TMEM63C: variants seen among roughly 807,000 people sequenced by gnomAD.
TMEM63C encodes the protein osmosensitive cation channel TMEM63C.
TMEM63C carries 32 observed loss-of-function variants against 99.2 expected under a neutral mutation model. The observed-to-expected ratio is 0.32, with a 90% confidence interval of 0.24 to 0.43. The LOEUF (loss-of-function observed/expected upper bound fraction) is 0.43, where lower values mean the gene tolerates loss of function less well. Ranked by LOEUF, TMEM63C falls within the 20% of genes least tolerant of loss-of-function variation. The probability of loss-of-function intolerance (pLI) is 1.00; values close to 1 mark genes in which losing one functional copy is unlikely to be tolerated. For missense variants in TMEM63C, 826 were observed against 1,053.0 expected, an observed-to-expected ratio of 0.78 and a Z score of 2.98; for synonymous variants, 376 against 397.9, an observed-to-expected ratio of 0.94 and a Z score of 0.66.
chr14:77,229,638 G>A (rs182765230), intron 6 of TMEM63C, among the ~76,000 whole-genome samples: 1 of 90,410 alleles, frequency 1.1e-5, no homozygotes, highest in African/African-American at 4.2e-5. Context: ...ATATAGTAGA[G>A]ATGGGGTTTC....
At chr14:77,226,078 T>C (rs191911335) in intron 6 of TMEM63C, among the ~76,000 whole-genome samples, 45 of 152,338 alleles carry the variant, frequency 3.0e-4, no homozygotes, top group African/African-American at 1.0e-3. Context: ...CGGAACTCTA[T>C]GTTCCCACTG....
intron 15 of TMEM63C, among the ~76,000 whole-genome samples, chr14:77,243,651 G>A (rs934836059): frequency 9.2e-5 from 14 of 152,114 alleles, no homozygotes; most frequent in African/African-American, 3.4e-4. Flanking sequence ...GCAGGTCAGA[G>A]GGATCCTAGC....
At chr14:77,252,322 A>G (rs545909036) in intron 22 of TMEM63C, among the ~76,000 whole-genome samples, 12 of 152,194 alleles carry the variant, frequency 7.9e-5, no homozygotes, top group African/African-American at 2.9e-4. Flanking sequence ...CTCTCCTTTA[A>G]GACCCCAGGC....
chr14:77,239,802 G>T, intron 12 of TMEM63C, 76 bp downstream of exon 12: 1 of 1,544,938 alleles, frequency 6.5e-7, no homozygotes. Flanking sequence ...GCCTTTGCCC[G>T]CACTGTTGGG....
At chr14:77,190,357 C>G (rs566933723) in intron 1 of TMEM63C, among the ~76,000 whole-genome samples, 1 of 152,116 alleles carries the variant, frequency 6.6e-6, no homozygotes, top group Non-Finnish European at 1.5e-5. Context: ...ACAGATAATG[C>G]CAATGTTATT....
intron 1 of TMEM63C, among the ~76,000 whole-genome samples, chr14:77,186,773 A>AGG (rs1436943601): frequency 6.2e-5 from 4 of 64,622 alleles, no homozygotes; most frequent in Admixed American, 2.7e-4. Context: ...TCAGAACCAA[A>AGG]GGGGTGTGTG....
rs761489071 is a variant in TMEM63C, at chr14:77,239,679, C to A, written c.883C>A (p.Pro295Thr). Reference sequence around the variant, plus strand: ...TGGGAAGGTGATGATCAGGATCCACCCCTGTGCCCGCCTGTGCTTCTGCAA... The same window carrying A: ...TGGGAAGGTGATGATCAGGATCCACACCTGTGCCCGCCTGTGCTTCTGCAA... The part of the protein sequence containing the change: ...KTGKVMIRIH[P>T]CARLCFCKCW... The change falls in exon 12 of 24, where the codon CCC becomes ACC. Residue 295 changes from proline to threonine, a missense_variant. By Grantham distance (38) the Pro-to-Thr change is conservative. Transcript: ENST00000298351. 1 of 1,613,030 alleles carries A rather than the reference C, an allele frequency of 6.2e-7. No individual in the cohort carries two copies. The highest frequency in any genetic ancestry group is 1.3e-5 in the African/African-American group (1 of 75,056).
At chr14:77,209,390 AC>A (rs1354404428) in intron 1 of TMEM63C, among the ~76,000 whole-genome samples, 1 of 152,088 alleles carries the variant, frequency 6.6e-6, no homozygotes, top group African/African-American at 2.4e-5. Context: ...TGTACAAACC[AC>A]CTACATTTTA....
rs776132328 is a variant in TMEM63C, at chr14:77,242,997, G to A, written c.1282G>A (p.Ala428Thr). The A allele has an allele frequency of 6.2e-7, 1 of 1,613,932 alleles. No individual in the cohort carries two copies. The highest frequency in any genetic ancestry group is 1.1e-5 in the South Asian group (1 of 91,076). ...FFLFFFLTTP[A>T]IIMNTIDMYN... ...CCTCTTCTTCTTTCTCACCACGCCTGCCATCATCATGAACACTATCGACAT... is the reference window on the plus strand; with the variant it reads ...CCTCTTCTTCTTTCTCACCACGCCTACCATCATCATGAACACTATCGACAT... The change falls in exon 15 of 24, where the codon GCC (alanine) becomes ACC (threonine). Residue 428 changes from alanine (A) to threonine (T), a missense_variant. By Grantham distance (58) the Ala-to-Thr change is moderately conservative. Transcript: ENST00000298351.
intron 4 of TMEM63C, among the ~76,000 whole-genome samples, 191 bp downstream of exon 4, chr14:77,219,768 T>C (rs541806639): frequency 1.3e-5 from 2 of 152,318 alleles, no homozygotes; most frequent in South Asian, 2.1e-4. Flanking sequence ...AGGCCGTGTT[T>C]TTCTCTGGTC....
chr14:77,246,127 C>A, intron 17 of TMEM63C, 101 bp downstream of exon 17: 2 of 952,228 alleles, frequency 2.1e-6, no homozygotes, highest in Admixed American at 1.7e-5. Flanking sequence ...TGCTGCAAAC[C>A]CACTCCTCAA....
At chr14:77,215,398 T>G (rs1033086706) in intron 2 of TMEM63C, among the ~76,000 whole-genome samples, 5 of 151,728 alleles carry the variant, frequency 3.3e-5, no homozygotes, top group African/African-American at 1.2e-4. Flanking sequence ...GTCAGGAGTT[T>G]GAGACCAGCC....
At chr14:77,243,084 G>A (rs1889208266) in intron 15 of TMEM63C, 28 bp downstream of exon 15, 2 of 1,610,722 alleles carry the variant, frequency 1.2e-6, no homozygotes, top group Admixed American at 1.7e-5. Context: ...GCCAGGCCTG[G>A]GGACCCCAGG....
chr14:77,197,926 C>T lies in TMEM63C; in HGVS notation c.-76-15520C>T, dbSNP rs184951362. 2.2e-3 allele frequency among the ~76,000 whole-genome samples: 332 copies of T among 152,324 alleles called. 1 individual carries two copies. The highest frequency in any genetic ancestry group is 7.9e-3 in the African/African-American group (327 of 41,566). ...CCCACATCTGGGGGTTTGATCCAAG[C>T]TCTTCTGCCTCCCCAGCCATAGCCT... On this transcript the variant is annotated intron_variant, in intron 1 of 23. Transcript: ENST00000298351.
intron 5 of TMEM63C, among the ~76,000 whole-genome samples, chr14:77,220,818 G>A (rs1888679759): frequency 6.9e-6 from 1 of 144,692 alleles, no homozygotes; most frequent in South Asian, 2.2e-4. Context: ...CAGCTGAACT[G>A]ACAGTGGCCC....
At chr14:77,250,284 T>C (rs75109024) in intron 21 of TMEM63C, among the ~76,000 whole-genome samples, 3,716 of 152,232 alleles carry the variant, frequency 0.024, 55 homozygotes, top group Non-Finnish European at 0.039. Context: ...AAGCAGTCCC[T>C]GCAGGCCACA....
At chr14:77,198,482 G>A (rs1248028785) in intron 1 of TMEM63C, among the ~76,000 whole-genome samples, 1 of 152,174 alleles carries the variant, frequency 6.6e-6, no homozygotes, top group African/African-American at 2.4e-5. Context: ...CACCTGCTTC[G>A]TAGAGTCAGG....
At chr14:77,211,521 G>C (rs1888497809) in intron 1 of TMEM63C, among the ~76,000 whole-genome samples, 1 of 152,126 alleles carries the variant, frequency 6.6e-6, no homozygotes, top group Admixed American at 6.5e-5. Flanking sequence ...CCTAACTCTG[G>C]GGTCATCCCT....
At chr14:77,233,600 A>G in intron 8 of TMEM63C, 100 bp downstream of exon 8, 1 of 1,266,854 alleles carries the variant, frequency 7.9e-7, no homozygotes, top group East Asian at 2.5e-5. Context: ...CGTTTTGCTG[A>G]TAAGAAAGGC....
Sources: allele counts gnomAD v4.1 joint callset (sites outside exome capture counted in the v4.1 genomes callset), GRCh38; gene constraint gnomAD v4.1.1; transcripts MANE v1.5; gene names NCBI Gene and HGNC (gene_info 2026-07-23, HGNC 2026-07-21).